The following TRPC4 variants were observed in gnomAD, a reference collection of about 807,000 sequenced individuals.
TRPC4 encodes the protein transient receptor potential cation channel subfamily C member 4, also known as short transient receptor potential channel 4.
Under a neutral mutation model 99.4 loss-of-function variants are expected in TRPC4, and 49 were observed. That is an observed-to-expected ratio of 0.49 (90% CI 0.39 to 0.63). The LOEUF (loss-of-function observed/expected upper bound fraction) is 0.63. Among genes scored for constraint, TRPC4 ranks in the 20% least tolerant of loss-of-function variants. TRPC4 has a pLI of 0.00. For synonymous variants in TRPC4, 454 were observed against 425.9 expected, an observed-to-expected ratio of 1.07 and a Z score of -0.81; for missense variants, 898 against 1,152.9, an observed-to-expected ratio of 0.78 and a Z score of 3.20.
At chr13:37,785,267 G>T (rs1001648027) in intron 1 of TRPC4, among the ~76,000 whole-genome samples, 9 of 151,974 alleles carry the variant, frequency 5.9e-5, no homozygotes, top group African/African-American at 2.2e-4. Context: ...TTGGAAAGGT[G>T]GTTGACACTC....
chr13:37,707,788 T>G (rs1954337520), intron 3 of TRPC4, among the ~76,000 whole-genome samples: 1 of 152,122 alleles, frequency 6.6e-6, no homozygotes, highest in Non-Finnish European at 1.5e-5. Flanking sequence ...CTCCTTATAT[T>G]AGCTAGGAAT....
chr13:37,714,468 T>C (rs1419224000), intron 3 of TRPC4, among the ~76,000 whole-genome samples: 1 of 152,196 alleles, frequency 6.6e-6, no homozygotes, highest in Non-Finnish European at 1.5e-5. Context: ...CCCCACTCTA[T>C]TCTAAACACA....
chr13:37,756,824 C>T (rs980121079), intron 2 of TRPC4, among the ~76,000 whole-genome samples: 8 of 151,902 alleles, frequency 5.3e-5, no homozygotes, highest in African/African-American at 1.7e-4. Context: ...CGTGAGCCAC[C>T]GTGACTGGCC....
At chr13:37,754,082 T>G (rs764892755) in intron 2 of TRPC4, among the ~76,000 whole-genome samples, 21 of 152,140 alleles carry the variant, frequency 1.4e-4, no homozygotes, top group Non-Finnish European at 2.8e-4. Flanking sequence ...CTTTACTACC[T>G]GTTTCAATAA....
rs543790023 is a variant in TRPC4, at chr13:37,771,515, C to T, written c.378+11441G>A. Among the ~76,000 whole-genome samples the T allele has an allele frequency of 9.3e-5, 14 of 151,154 alleles. No individual in the cohort carries two copies. The South Asian group carries it at 2.5e-3, about 27-fold the overall frequency. ...AAACTATCTATGATTTTAAGAAAAG[C>T]AGTTCATTTTTTCATTATTTTTATG... On this transcript the variant is annotated intron_variant, in intron 2 of 10. Coordinates refer to ENST00000379705, the MANE Select transcript of TRPC4 (RefSeq NM_016179.4).
chr13:37,843,558 T>C (rs1958800879), intron 1 of TRPC4, among the ~76,000 whole-genome samples: 1 of 152,118 alleles, frequency 6.6e-6, no homozygotes, highest in South Asian at 2.1e-4. Flanking sequence ...CTTTACAAAA[T>C]ACTCAAGAAA....
At chr13:37,769,945 T>A (rs1282569373) in intron 2 of TRPC4, among the ~76,000 whole-genome samples, 1 of 151,462 alleles carries the variant, frequency 6.6e-6, no homozygotes, top group Non-Finnish European at 1.5e-5. Flanking sequence ...ACAATAATTG[T>A]GGAATATAGC....
At chr13:37,781,809 T>TA (rs998403892) in intron 2 of TRPC4, among the ~76,000 whole-genome samples, 4 of 151,856 alleles carry the variant, frequency 2.6e-5, no homozygotes, top group Non-Finnish European at 5.9e-5. Context: ...AAAGGGACCA[T>TA]AAAAACACAG....
intron 8 of TRPC4, among the ~76,000 whole-genome samples, 171 bp downstream of exon 8, chr13:37,651,094 T>C (rs1020003708): frequency 6.6e-6 from 1 of 152,172 alleles, no homozygotes; most frequent in South Asian, 2.1e-4. Context: ...TGTGAAGAAA[T>C]CCTAGTTAAT....
rs574067584 is a variant in TRPC4 at position 37,636,412 on chromosome 13, G to T, written c.*491C>A. ...ACAATAATTATTTACATGTCGTTAA[G>T]AAATAATTTGGTAATATTTGTGTTT... On this transcript the variant is annotated 3_prime_UTR_variant, in exon 11 of 11. Transcript: ENST00000379705. Among the ~76,000 whole-genome samples the T allele has an allele frequency of 6.6e-6, 1 of 152,072 alleles. No homozygotes were observed. The highest frequency in any genetic ancestry group is 1.5e-5 in the Non-Finnish European group (1 of 68,002).
intron 3 of TRPC4, among the ~76,000 whole-genome samples, chr13:37,714,091 TTTC>T (rs1954579282): frequency 6.6e-6 from 1 of 151,716 alleles, no homozygotes; most frequent in Non-Finnish European, 1.5e-5. Flanking sequence ...CTCCCTTTCT[TTTC>T]TTTTCTTTTT....
intron 1 of TRPC4, among the ~76,000 whole-genome samples, chr13:37,800,177 T>C (rs759669718): frequency 2.6e-5 from 4 of 152,170 alleles, no homozygotes; most frequent in Non-Finnish European, 4.4e-5. Context: ...ATAATTAAAA[T>C]GTAATGATTA....
rs1265711908 is a variant in TRPC4 at position 37,637,395 on chromosome 13, T to A, written c.2442A>T (p.Arg814Ser). Residue 814 changes from arginine to serine, a missense_variant, in exon 11 of 11, where the codon AGA (arginine) becomes AGT (serine). This residue lies in a region of TRPC4 where 346 missense variants were observed against 351.4 expected (regional missense o/e 0.98). Transcript: ENST00000379705. ...GGGCAGAGCCATTGCTTATGTTATG[T>A]CTTTCAGAGGCAATTGCTGCTGATC... is the stretch of plus-strand genomic sequence containing the variant. The part of the protein sequence containing the change: ...HPRSAAIASE[R>S]HNISNGSALV... The A allele has an allele frequency of 6.2e-7, 1 of 1,613,676 alleles. No homozygotes were observed. The highest frequency in any genetic ancestry group is 1.1e-5 in the South Asian group (1 of 91,052).
intron 2 of TRPC4, among the ~76,000 whole-genome samples, chr13:37,756,243 A>T (rs953932283): frequency 1.3e-5 from 2 of 150,258 alleles, no homozygotes; most frequent in Non-Finnish European, 3.0e-5. Context: ...TTGTCATATG[A>T]ATGAAGAAAT....
intron 8 of TRPC4, among the ~76,000 whole-genome samples, chr13:37,642,995 GCT>G (rs1268930199): frequency 6.6e-6 from 1 of 152,142 alleles, no homozygotes; most frequent in African/African-American, 2.4e-5. Flanking sequence ...CTCCCAAAGT[GCT>G]GAGATTACAG....
intron 2 of TRPC4, among the ~76,000 whole-genome samples, chr13:37,769,669 C>A (rs1956494360): frequency 6.6e-6 from 1 of 151,556 alleles, no homozygotes; most frequent in South Asian, 2.1e-4. Flanking sequence ...CAGATTTACA[C>A]CCTCCTAACC....
chr13:37,684,178 CT>C, intron 4 of TRPC4, among the ~76,000 whole-genome samples: 1 of 152,220 alleles, frequency 6.6e-6, no homozygotes, highest in South Asian at 2.1e-4. Flanking sequence ...TCATAAGAAT[CT>C]ACAGTAACCA....
chr13:37,643,839 A>G (rs1444435567), intron 8 of TRPC4, among the ~76,000 whole-genome samples: 2 of 152,142 alleles, frequency 1.3e-5, no homozygotes, highest in African/African-American at 4.8e-5. Context: ...GAGACTTCCT[A>G]GCTTCTGGTG....
chr13:37,741,941 A>T (rs1300168250), intron 3 of TRPC4, among the ~76,000 whole-genome samples: 1 of 151,668 alleles, frequency 6.6e-6, no homozygotes, highest in Non-Finnish European at 1.5e-5. Flanking sequence ...CATGAAAAAA[A>T]AAAAACAGCA....
Sources: allele counts gnomAD v4.1 joint callset (sites outside exome capture counted in the v4.1 genomes callset), GRCh38; gene constraint gnomAD v4.1.1; regional missense constraint gnomAD v4.1.1; transcripts MANE v1.5; gene names NCBI Gene and HGNC (gene_info 2026-07-23, HGNC 2026-07-21).